RET: variants seen among roughly 807,000 people sequenced by gnomAD.
RET encodes ret proto-oncogene, also known as proto-oncogene tyrosine-protein kinase receptor Ret.
Under a neutral mutation model 118.3 loss-of-function variants are expected in RET, and 19 were observed. The ratio of observed to expected loss-of-function variants is 0.16; its 90% CI spans 0.11 to 0.24. The LOEUF (loss-of-function observed/expected upper bound fraction) is 0.24, where lower values mean the gene tolerates loss of function less well. Ranked by LOEUF, RET falls within the 10% of genes least tolerant of loss-of-function variation. The pLI is 1.00. For missense variants in RET, 1,219 were observed against 1,502.1 expected, an observed-to-expected ratio of 0.81 and a Z score of 3.12; for synonymous variants, 597 against 644.1, an observed-to-expected ratio of 0.93 and a Z score of 1.11.
At chr10:43,105,327 C>T in intron 4 of RET, 134 bp downstream of exon 4, 4 of 1,331,474 alleles carry the variant, frequency 3.0e-6, no homozygotes, top group East Asian at 2.5e-5. Context: ...CCTTCGCCTC[C>T]GTCTGCGCCG....
chr10:43,091,745 G>T lies in RET; in HGVS notation c.74-8714G>T, dbSNP rs1837415506. On this transcript the variant is annotated intron_variant, in intron 1 of 19. Transcript: ENST00000355710. ...CAAGAAGCACATGAAAAGATTCTCA[G>T]CATTGCCACTCATTAGAGAAATACA... is the stretch of plus-strand genomic sequence containing the variant. Among the ~76,000 whole-genome samples the T allele has an allele frequency of 3.4e-5, 5 of 148,490 alleles. No homozygotes were observed. In the Admixed American group the frequency reaches 3.4e-4, roughly 10 times the overall value.
rs2132723502 is a variant in RET at position 43,106,772 on chromosome 10, G to A, written c.1063+201G>A. On this transcript the variant is annotated intron_variant, in intron 5 of 19. Transcript: ENST00000355710. The surrounding 1 kb of genome is among the most constrained non-coding windows in gnomAD (Gnocchi z 5.1). ...AGCCACCAGCAGGGCTTTCACCATG[G>A]GACCTCTCTCCCTGAGCTGATCCAT... Among the ~76,000 whole-genome samples the A allele has an allele frequency of 6.6e-6, 1 of 152,242 alleles. No homozygotes were observed. Among genetic ancestry groups the A allele is most frequent in the African/African-American group, 2.4e-5 (1 of 41,536 alleles).
At chr10:43,127,539 A>C (rs1838362484) in intron 19 of RET, 1 of 995,096 alleles carries the variant, frequency 1.0e-6, no homozygotes. Context: ...GATTGTTTGA[A>C]ATCTTGGAGT....
intron 3 of RET, among the ~76,000 whole-genome samples, chr10:43,104,520 CAAAA>C (rs201859195): frequency 3.3e-5 from 5 of 150,808 alleles, no homozygotes; most frequent in Non-Finnish European, 5.9e-5. Flanking sequence ...CCATCAAAAA[CAAAA>C]AAAAAGCAGC....
rs1324653545 is a variant in RET, at chr10:43,130,256, A to AT, written c.*1990dup. The AT allele has an allele frequency of 5.3e-6, 2 of 380,142 alleles. No individual in the cohort carries two copies. Among genetic ancestry groups the AT allele is most frequent in the Non-Finnish European group, 9.3e-6 (2 of 215,308 alleles). The allele number at this position is 380,142 out of a possible 1,614,324, so 23.5% of individuals were successfully genotyped here. A position where few individuals can be genotyped will look rare whatever the true frequency, so the allele number is the denominator to read the frequency against. ...TCAGTTATTAAAATTTGTAAAATCT[A>AT]TTTATGAAAGGTCATTAAACCAGAT... On this transcript the variant is annotated 3_prime_UTR_variant, in exon 20 of 20. Coordinates refer to ENST00000355710, the MANE Select transcript of RET (RefSeq NM_020975.6).
At chr10:43,123,887 C>T (rs2133008141) in intron 17 of RET, 79 bp downstream of exon 17, 1 of 1,602,966 alleles carries the variant, frequency 6.2e-7, no homozygotes, top group Non-Finnish European at 8.5e-7. Flanking sequence ...CCATCCAGAG[C>T]AGCCCCAGGA....
rs1588864307 is a variant in RET at position 43,102,748 on chromosome 10, T to C, written c.625+119T>C. 27 of 1,266,600 alleles carry C rather than the reference T, an allele frequency of 2.1e-5. No homozygotes were observed. In the East Asian group the frequency reaches 6.6e-4, roughly 31 times the overall value. 78.5% of individuals were successfully genotyped at this position (1,266,600 alleles called of 1,614,324 possible). A position where few individuals can be genotyped will look rare whatever the true frequency, so the allele number is the denominator to read the frequency against. On this transcript the variant is annotated intron_variant, in intron 3 of 19. Coordinates refer to ENST00000355710, the MANE Select transcript of RET (RefSeq NM_020975.6). The stretch of plus-strand genomic sequence containing the variant: ...ACCTTCATGCCATCAGTTCATTCAA[T>C]ATTCCAGAAGTACCTCTTGCATGCC...
At position 43,126,978 on chromosome 10, in the gene RET, C is replaced by A. The variant is rs545020178; in HGVS notation, c.3187+256C>A. ...CAACTTAGGATGGTAGAGGAAAAAA[C>A]AGATCAGGGCGGAACTCTCAGGGGA... On this transcript the variant is annotated intron_variant, in intron 19 of 19. Transcript: ENST00000355710. 5.9e-5 allele frequency: 83 copies of A among 1,395,966 alleles called. No homozygotes were observed. The East Asian group carries it at 2.0e-3, about 33-fold the overall frequency. 86.5% of individuals were successfully genotyped at this position (1,395,966 alleles called of 1,614,324 possible).
chr10:43,102,688 C>T (rs1474640165), intron 3 of RET, 59 bp downstream of exon 3: 10 of 1,600,800 alleles, frequency 6.2e-6, no homozygotes, highest in South Asian at 1.1e-5. Context: ...TCTTGCTCTG[C>T]GAGCCCTTGA....
intron 5 of RET, among the ~76,000 whole-genome samples, chr10:43,108,094 C>G (rs1011463008): frequency 2.6e-5 from 4 of 151,606 alleles, no homozygotes; most frequent in African/African-American, 9.7e-5. Flanking sequence ...CCTGTAATCC[C>G]AGCACTTTAG....
Position 43,105,550 on chromosome 10 carries a change from T to G in RET, c.867+357T>G, listed in dbSNP as rs1227052681. On this transcript the variant is annotated intron_variant, in intron 4 of 19. Coordinates refer to ENST00000355710, the MANE Select transcript of RET (RefSeq NM_020975.6). ...AGCCCCCAACGGGAGGGCCCTTGAGTGACCACGAGCAGAGCCGGGGATTGG... is the reference window on the plus strand; with the variant it reads ...AGCCCCCAACGGGAGGGCCCTTGAGGGACCACGAGCAGAGCCGGGGATTGG... 2.0e-5 allele frequency among the ~76,000 whole-genome samples: 3 copies of G among 152,138 alleles called. No individual in the cohort carries two copies. In the East Asian group the frequency reaches 5.8e-4, roughly 30 times the overall value.
chr10:43,119,453 G>A lies in RET; in HGVS notation c.2393-78G>A. The A allele has an allele frequency of 1.2e-5, 16 of 1,290,858 alleles. No individual in the cohort carries two copies. The South Asian group carries it at 2.0e-4, about 16-fold the overall frequency. The allele number at this position is 1,290,858 out of a possible 1,614,324, so 80.0% of individuals were successfully genotyped here. ...TTGGGTGGCCGGGCCTGGGGACCCT[G>A]CGGCCTCCCACCCCTGGCTCCTGGA... is the stretch of plus-strand genomic sequence containing the variant. On this transcript the variant is annotated intron_variant, in intron 13 of 19. Transcript: ENST00000355710.
intron 5 of RET, among the ~76,000 whole-genome samples, chr10:43,107,874 G>A (rs1837820489): frequency 6.6e-6 from 1 of 152,172 alleles, no homozygotes; most frequent in African/African-American, 2.4e-5. Flanking sequence ...GTTAGAGGTA[G>A]ATGCAGAGAT....
chr10:43,123,634 A>G (rs1052715555), intron 16 of RET, 37 bp from the exon 17 acceptor site: 2 of 1,613,574 alleles, frequency 1.2e-6, no homozygotes. Context: ...TGTGAGGGCC[A>G]GGTGGAGCCA....
rs1204350955 is a variant in RET, at chr10:43,109,043, A to G, written c.1076A>G (p.Asn359Ser). The G allele has an allele frequency of 6.2e-7, 1 of 1,613,044 alleles. No homozygotes were observed. The highest frequency in any genetic ancestry group is 8.5e-7 in the Non-Finnish European group (1 of 1,179,984). The change falls in exon 6 of 20, where the codon AAC becomes AGC. Residue 359 changes from asparagine (N) to serine (S), a missense_variant. Transcript: ENST00000355710. ...CCCCTACCTGCAGGGCTGGTTCTCA[A>G]CCGGAACCTCTCCATCTCGGAGAAC... is the stretch of plus-strand genomic sequence containing the variant. ...ATVHDYRLVL[N>S]RNLSISENRT...
chr10:43,116,495 G>T (rs866923550), intron 11 of RET, 89 bp from the exon 12 acceptor site: 1 of 1,491,518 alleles, frequency 6.7e-7, no homozygotes, highest in Non-Finnish European at 9.4e-7. Context: ...TTGTCCATGG[G>T]GCCTCCTTTA....
Position 43,129,599 on chromosome 10 carries a change from A to G in RET, c.*1330A>G. On this transcript the variant is annotated 3_prime_UTR_variant, in exon 20 of 20. Transcript: ENST00000355710. ...TTCTGGCTGTGTTGTCAGCACTGTA[A>G]CTTCGCAGAAAAGAGTCGGATTACC... 4.1e-6 allele frequency: 1 copy of G among 246,038 alleles called. No homozygotes were observed. Among genetic ancestry groups the G allele is most frequent in the Non-Finnish European group, 7.9e-6 (1 of 127,026 alleles). 15.2% of individuals were successfully genotyped at this position (246,038 alleles called of 1,614,324 possible). A position where few individuals can be genotyped will look rare whatever the true frequency, so the allele number is the denominator to read the frequency against.
intron 2 of RET, 125 bp downstream of exon 2, chr10:43,100,847 C>T: frequency 8.9e-7 from 1 of 1,128,862 alleles, no homozygotes; most frequent in Non-Finnish European, 1.3e-6. Context: ...TGGAAGGCGT[C>T]AGGGGTTAAG....
intron 17 of RET, among the ~76,000 whole-genome samples, chr10:43,124,314 C>T (rs1397395868): frequency 6.6e-6 from 1 of 152,144 alleles, no homozygotes; most frequent in Non-Finnish European, 1.5e-5. Flanking sequence ...AGTGTGCACA[C>T]TGCTGGGGCG....
Sources: gnomAD v4.1 joint callset for allele counts (sites outside exome capture counted in the v4.1 genomes callset) on GRCh38, gnomAD v4.1.1 for gene constraint, Gnocchi (gnomAD v3.1) non-coding constraint, MANE v1.5 for transcripts, NCBI Gene and HGNC (gene_info 2026-07-23, HGNC 2026-07-21) for gene names.